The following MAP3K15 variants were observed in gnomAD, a reference collection of about 807,000 sequenced individuals.
The protein encoded by MAP3K15 is mitogen-activated protein kinase kinase kinase 15.
A neutral mutation model predicts 99.5 loss-of-function variants in MAP3K15; 124 were observed. That is an observed-to-expected ratio of 1.25 (90% CI 1.08 to 1.45). The LOEUF (loss-of-function observed/expected upper bound fraction) is 1.45. Ranked by LOEUF, MAP3K15 falls within the 40% of genes most tolerant of loss-of-function variation. The pLI, the probability that MAP3K15 is intolerant of heterozygous loss-of-function variation, is 0.00. For synonymous variants in MAP3K15, 494 were observed against 439.6 expected (o/e 1.12, Z -1.55); for missense variants, 1,242 against 1,079.7 (o/e 1.15, Z -2.11).
chrX:19,463,901 T>C (rs2064147783), intron 4 of MAP3K15, among the ~76,000 whole-genome samples: 1 of 102,951 alleles, frequency 9.7e-6, no homozygotes, highest in Middle Eastern at 4.9e-3. Context: ...AAGAGATCGT[T>C]AAAAAAAAAA....
intron 3 of MAP3K15, among the ~76,000 whole-genome samples, chrX:19,468,948 T>G (rs1314822809): frequency 9.0e-6 from 1 of 111,719 alleles, no homozygotes; most frequent in African/African-American, 3.3e-5. Flanking sequence ...GCTTGTGATT[T>G]TTGCACAATG....
rs573105092 is a variant in MAP3K15 at position 19,423,360 on chromosome X, G to A, written c.1439+2171C>T. On this transcript the variant is annotated intron_variant, in intron 9 of 28. Transcript: ENST00000338883. ...CCTCCCTTACTTCTGGCAATCACTAGTCAAACTCACTGTCTTTTATTTTTT... is the reference window on the plus strand; with the variant it reads ...CCTCCCTTACTTCTGGCAATCACTAATCAAACTCACTGTCTTTTATTTTTT... Among the ~76,000 whole-genome samples, 18 of 83,238 alleles carry A rather than the reference G, an allele frequency of 2.2e-4. No individual in the cohort carries two copies. The South Asian group carries it at 0.015, about 70-fold the overall frequency. 72.3% of individuals were successfully genotyped at this position (83,238 alleles called of 115,157 possible). A position where few individuals can be genotyped will look rare whatever the true frequency, so the allele number is the denominator to read the frequency against.
At chrX:19,379,894 G>A (rs1382800716) in intron 19 of MAP3K15, among the ~76,000 whole-genome samples, 2 of 110,813 alleles carry the variant, frequency 1.8e-5, no homozygotes, top group African/African-American at 6.6e-5. Context: ...CAGATGTCAC[G>A]GGTTGTGTCT....
In MAP3K15 at chrX:19,459,926, G is replaced by A. The variant is rs889824170; in HGVS notation, c.888+59C>T. 15 of 942,937 alleles carry A rather than the reference G, an allele frequency of 1.6e-5. No individual in the cohort carries two copies. The Admixed American group carries it at 1.7e-4, about 11-fold the overall frequency. The allele number at this position is 942,937 out of a possible 1,213,427, so 77.7% of individuals were successfully genotyped here. ...TGAGTATACAAATACTTCACAAGAC[G>A]TTCCTCAAGCCAAGGAAGAACGTAG... is the stretch of plus-strand genomic sequence containing the variant. On this transcript the variant is annotated intron_variant, in intron 5 of 28. Transcript: ENST00000338883.
In MAP3K15 at chrX:19,406,589, T is replaced by C. The variant is rs141655604; in HGVS notation, c.1844+599A>G. ...CCAAGATGGGGCGAGGTTGAGGGAATGAGGAATGACTCTATGGATAGTGTG... is the reference window on the plus strand; with the variant it reads ...CCAAGATGGGGCGAGGTTGAGGGAACGAGGAATGACTCTATGGATAGTGTG... On this transcript the variant is annotated intron_variant, in intron 13 of 28. Transcript: ENST00000338883. Among the ~76,000 whole-genome samples the C allele has an allele frequency of 3.0e-3, 339 of 112,670 alleles. 1 individual carries two copies. The highest frequency in any genetic ancestry group is 0.01 in the African/African-American group (324 of 31,080).
chrX:19,414,972 C>T (rs2063721520), intron 10 of MAP3K15, 135 bp downstream of exon 10: 1 of 549,982 alleles, frequency 1.8e-6, no homozygotes, highest in Non-Finnish European at 2.7e-6. Flanking sequence ...ACTGATTTCA[C>T]ATAAGATTGA....
At chrX:19,413,523 C>CTCCTCGCTGGG in intron 10 of MAP3K15, 59 bp from the exon 11 acceptor site, 1 of 919,111 alleles carries the variant, frequency 1.1e-6, no homozygotes, top group Non-Finnish European at 1.5e-6. Flanking sequence ...CGCACCCTGC[C>CTCCTCGCTGGG]CAGCGAGGAG....
At chrX:19,411,792 G>A (rs774034527) in intron 11 of MAP3K15, among the ~76,000 whole-genome samples, 2 of 111,571 alleles carry the variant, frequency 1.8e-5, no homozygotes, top group Admixed American at 1.9e-4. Context: ...CCAACAAAGA[G>A]GCAAATATGG....
chrX:19,417,669 C>T (rs4262472), intron 9 of MAP3K15, among the ~76,000 whole-genome samples: 1 of 111,482 alleles, frequency 9.0e-6, no homozygotes, highest in African/African-American at 3.3e-5. Flanking sequence ...TTAAATGTCC[C>T]GGTCTGACAG....
intron 10 of MAP3K15, 83 bp downstream of exon 10, chrX:19,415,024 G>A (rs1377516486): frequency 2.3e-6 from 2 of 862,685 alleles, no homozygotes; most frequent in African/African-American, 2.0e-5. Flanking sequence ...GTTTTCTTCA[G>A]TTCAGAGTAT....
intron 13 of MAP3K15, among the ~76,000 whole-genome samples, chrX:19,403,817 A>G (rs761953545): frequency 1.8e-5 from 2 of 111,020 alleles, no homozygotes; most frequent in Non-Finnish European, 3.8e-5. Flanking sequence ...GACACAATGA[A>G]TTAAGACTTT....
chrX:19,456,460 C>T (rs917623011), intron 6 of MAP3K15, among the ~76,000 whole-genome samples: 5 of 112,159 alleles, frequency 4.5e-5, no homozygotes, highest in African/African-American at 1.6e-4. Flanking sequence ...CAGTGGTCAC[C>T]TATGGAGGGG....
At chrX:19,364,973 G>GCGGGAGGATCACCTGAGGT (rs1246939537) in intron 25 of MAP3K15, among the ~76,000 whole-genome samples, 28 of 109,920 alleles carry the variant, frequency 2.5e-4, no homozygotes, top group African/African-American at 8.6e-4. Flanking sequence ...GGAGGTCAAG[G>GCGGGAGGATCACCTGAGGT]CGGGAGGATC....
At position 19,507,953 on chromosome X, in the gene MAP3K15, T is replaced by C. The variant is rs185181633; in HGVS notation, c.361+6948A>G. On this transcript the variant is annotated intron_variant, in intron 1 of 28. Coordinates refer to ENST00000338883, the MANE Select transcript of MAP3K15 (RefSeq NM_001001671.4). ...CACGATCTCAGCTCACTGCAACCTC[T>C]GCCTTCTGGGTTCCAGCAATTCTCC... is the stretch of plus-strand genomic sequence containing the variant. 3.2e-3 allele frequency among the ~76,000 whole-genome samples: 364 copies of C among 112,425 alleles called. 1 individual carries two copies. Among genetic ancestry groups the C allele is most frequent in the Non-Finnish European group, 5.5e-3 (291 of 53,284 alleles).
intron 3 of MAP3K15, among the ~76,000 whole-genome samples, chrX:19,465,830 G>GT (rs373951929): frequency 1.1e-5 from 1 of 94,006 alleles, no homozygotes; most frequent in Admixed American, 1.2e-4. Flanking sequence ...GGTGTGTAGG[G>GT]GTGTGTGTGT....
At chrX:19,459,954 T>C (rs2064119424) in intron 5 of MAP3K15, 31 bp downstream of exon 5, 1 of 1,092,712 alleles carries the variant, frequency 9.2e-7, no homozygotes, top group African/African-American at 1.8e-5. Flanking sequence ...GAACGTAGCA[T>C]ACGTGAGCCT....
chrX:19,499,094 C>A (rs1230135707), intron 1 of MAP3K15, among the ~76,000 whole-genome samples: 2 of 111,796 alleles, frequency 1.8e-5, no homozygotes, highest in Non-Finnish European at 3.8e-5. Flanking sequence ...AGATGACAGA[C>A]AACCCAATTA....
chrX:19,505,772 G>T (rs1264677370), intron 1 of MAP3K15, among the ~76,000 whole-genome samples: 1 of 103,291 alleles, frequency 9.7e-6, no homozygotes, highest in Non-Finnish European at 2.0e-5. Flanking sequence ...TTGAGATGGA[G>T]TCTCACTCTT....
intron 5 of MAP3K15, among the ~76,000 whole-genome samples, chrX:19,458,908 G>C (rs1460811026): frequency 9.0e-6 from 1 of 111,315 alleles, no homozygotes; most frequent in Non-Finnish European, 1.9e-5. Context: ...CCAAAGGAAA[G>C]GAAGCCAAGA....
Sources: allele counts gnomAD v4.1 joint callset (sites outside exome capture counted in the v4.1 genomes callset), GRCh38; gene constraint gnomAD v4.1.1; transcripts MANE v1.5; gene names NCBI Gene and HGNC (gene_info 2026-07-23, HGNC 2026-07-21).